The following LEMD3 variants were observed in gnomAD, a reference collection of about 807,000 sequenced individuals.
The protein encoded by LEMD3 is LEM domain containing 3, also known as inner nuclear membrane protein Man1.
In LEMD3, 33 loss-of-function variants were observed where a neutral mutation model predicts 95.2. The ratio of observed to expected loss-of-function variants is 0.35; its 90% CI spans 0.26 to 0.46. The LOEUF (loss-of-function observed/expected upper bound fraction) is 0.46, where lower values mean the gene tolerates loss of function less well. Ranked by LOEUF, LEMD3 falls within the 20% of genes least tolerant of loss-of-function variation. The probability of loss-of-function intolerance (pLI) is 1.00; values close to 1 mark genes in which losing one functional copy is unlikely to be tolerated. For synonymous variants in LEMD3, 525 were observed against 474.6 expected, an observed-to-expected ratio of 1.11 and a Z score of -1.38; for missense variants, 1,210 against 1,192.8, an observed-to-expected ratio of 1.01 and a Z score of -0.21.
intron 1 of LEMD3, among the ~76,000 whole-genome samples, 162 bp from the exon 2 acceptor site, chr12:65,210,764 A>G (rs557462366): frequency 6.6e-6 from 1 of 152,328 alleles, no homozygotes; most frequent in South Asian, 2.1e-4. Flanking sequence ...TAAGTCTGAA[A>G]AATTACTTCC....
intron 1 of LEMD3, among the ~76,000 whole-genome samples, chr12:65,182,905 C>A (rs931525876): frequency 1.4e-4 from 21 of 152,100 alleles, no homozygotes; most frequent in Admixed American, 1.3e-4. Flanking sequence ...TTGTAAGATA[C>A]CATGAGTACT....
chr12:65,212,429 C>T (rs375045947), intron 2 of LEMD3, among the ~76,000 whole-genome samples: 87 of 150,694 alleles, frequency 5.8e-4, no homozygotes, highest in Middle Eastern at 7.0e-3. Context: ...CCCAGCTACT[C>T]GGGAGGCTGA....
In LEMD3 at chr12:65,175,709, T is replaced by C. The variant is rs1395143746; in HGVS notation, c.1522+4591T>C. ...GCACACATTTCTCTAGGAAGTTTCA[T>C]TCACTCTCCTTGTCATTATCTTCCA... On this transcript the variant is annotated intron_variant, in intron 1 of 12. Coordinates refer to ENST00000308330, the MANE Select transcript of LEMD3 (RefSeq NM_014319.5). Among the ~76,000 whole-genome samples the C allele has an allele frequency of 2.6e-5, 4 of 152,230 alleles. No individual in the cohort carries two copies. In the East Asian group the frequency reaches 7.7e-4, roughly 29 times the overall value.
intron 1 of LEMD3, among the ~76,000 whole-genome samples, chr12:65,180,915 A>G (rs1315493686): frequency 6.6e-6 from 1 of 151,896 alleles, no homozygotes; most frequent in Non-Finnish European, 1.5e-5. Context: ...TTAGTAGCAA[A>G]TGGATATTTT....
chr12:65,232,174 A>G (rs1337239441), intron 4 of LEMD3, among the ~76,000 whole-genome samples: 2 of 152,168 alleles, frequency 1.3e-5, no homozygotes, highest in East Asian at 1.9e-4. Flanking sequence ...AAAATTCTCT[A>G]TGTTATTTTA....
In LEMD3 at chr12:65,247,418, G is replaced by T. The variant is rs545328879; in HGVS notation, c.*1093G>T. On this transcript the variant is annotated 3_prime_UTR_variant, in exon 13 of 13. Coordinates refer to ENST00000308330, the MANE Select transcript of LEMD3 (RefSeq NM_014319.5). ...GCAGGGCACATTGTTGCAGCAAAATGTGTATTTGACAAATTATACTTGCAA... is the reference window on the plus strand; with the variant it reads ...GCAGGGCACATTGTTGCAGCAAAATTTGTATTTGACAAATTATACTTGCAA... 1 of 152,502 alleles carries T rather than the reference G, an allele frequency of 6.6e-6. No homozygotes were observed. The highest frequency in any genetic ancestry group is 1.5e-5 in the Non-Finnish European group (1 of 67,992). 9.4% of individuals were successfully genotyped at this position (152,502 alleles called of 1,614,324 possible). A position where few individuals can be genotyped will look rare whatever the true frequency, so the allele number is the denominator to read the frequency against.
chr12:65,227,347 G>A (rs899458038), intron 4 of LEMD3, among the ~76,000 whole-genome samples: 2 of 152,082 alleles, frequency 1.3e-5, no homozygotes, highest in African/African-American at 2.4e-5. Flanking sequence ...AGGTAATACC[G>A]TAGATCTGTG....
In LEMD3 at chr12:65,186,897, A is replaced by G. The variant is rs138731470; in HGVS notation, c.1522+15779A>G. ...AAAAACAACTTAAAGTGGCAAGTCA[A>G]AATTCTGCTAAGACCATATGCTAGC... On this transcript the variant is annotated intron_variant, in intron 1 of 12. Transcript: ENST00000308330. Among the ~76,000 whole-genome samples, 473 of 152,154 alleles carry G rather than the reference A, an allele frequency of 3.1e-3. 2 individuals carry two copies. Among genetic ancestry groups the G allele is most frequent in the African/African-American group, 0.011 (440 of 41,546 alleles).
intron 4 of LEMD3, among the ~76,000 whole-genome samples, chr12:65,227,945 T>C (rs1163595635): frequency 6.6e-6 from 1 of 152,118 alleles, no homozygotes; most frequent in Non-Finnish European, 1.5e-5. Context: ...ATAGACTATA[T>C]TGACTCTATT....
chr12:65,247,921 G>A lies in LEMD3; in HGVS notation c.*1596G>A, dbSNP rs1035279891. The A allele has an allele frequency of 2.6e-5, 4 of 152,376 alleles. No homozygotes were observed. Among genetic ancestry groups the A allele is most frequent in the Admixed American group, 1.3e-4 (2 of 15,258 alleles). The allele number at this position is 152,376 out of a possible 1,614,324, so 9.4% of individuals were successfully genotyped here. A position where few individuals can be genotyped will look rare whatever the true frequency, so the allele number is the denominator to read the frequency against. The stretch of plus-strand genomic sequence containing the variant: ...CTCAGTTTATGTCTCAGATGCTAAC[G>A]TGTGAAAATATAAATATATATAATA... On this transcript the variant is annotated 3_prime_UTR_variant, in exon 13 of 13. Coordinates refer to ENST00000308330, the MANE Select transcript of LEMD3 (RefSeq NM_014319.5).
Position 65,246,664 on chromosome 12 carries a change from G to C in LEMD3, c.*339G>C. ...TAACCACACAAAAGCATGATGAAAA[G>C]GCTTCTTGTAGTCCCATAATTTCTT... On this transcript the variant is annotated 3_prime_UTR_variant, in exon 13 of 13. Transcript: ENST00000308330. 3.5e-6 allele frequency: 1 copy of C among 284,996 alleles called. No individual in the cohort carries two copies. The highest frequency in any genetic ancestry group is 8.9e-5 in the East Asian group (1 of 11,272). 17.7% of individuals were successfully genotyped at this position (284,996 alleles called of 1,614,324 possible). A position where few individuals can be genotyped will look rare whatever the true frequency, so the allele number is the denominator to read the frequency against.
intron 4 of LEMD3, among the ~76,000 whole-genome samples, chr12:65,221,739 T>C (rs1870296928): frequency 6.7e-6 from 1 of 148,944 alleles, no homozygotes; most frequent in Non-Finnish European, 1.5e-5. Flanking sequence ...AATCTCTCTT[T>C]TTTTTTTTTT....
At chr12:65,208,774 T>A (rs199522030) in intron 1 of LEMD3, among the ~76,000 whole-genome samples, 1 of 152,092 alleles carries the variant, frequency 6.6e-6, no homozygotes, top group Admixed American at 6.6e-5. Context: ...GTGGCAATTA[T>A]CATGAGCATT....
intron 2 of LEMD3, among the ~76,000 whole-genome samples, chr12:65,211,269 G>T (rs1431378248): frequency 1.3e-5 from 2 of 152,128 alleles, no homozygotes; most frequent in Admixed American, 1.3e-4. Context: ...CATATCATCA[G>T]TGGATCTTGT....
At position 65,171,034 on chromosome 12, in the gene LEMD3, G is replaced by T. The variant is rs758680061; in HGVS notation, c.1438G>T (p.Ala480Ser). 6.2e-7 allele frequency: 1 copy of T among 1,614,188 alleles called. No homozygotes were observed. Among genetic ancestry groups the T allele is most frequent in the East Asian group, 2.2e-5 (1 of 44,886 alleles). The change falls in exon 1 of 13, where the codon GCT (alanine) becomes TCT (serine). Residue 480 changes from alanine to serine, a missense_variant. Physicochemically the swap from Ala to Ser is moderately conservative, Grantham distance 99. Coordinates refer to ENST00000308330, the MANE Select transcript of LEMD3 (RefSeq NM_014319.5). ...AHYLSMFLLT[A>S]ACLFFLILGL... is the part of the protein sequence containing the mutation. ...CTACTTGTCGATGTTTCTCTTAACT[G>T]CTGCCTGCTTATTTTTCCTAATACT... is the stretch of plus-strand genomic sequence containing the variant.
At chr12:65,223,929 AAATT>A (rs1870372157) in intron 4 of LEMD3, among the ~76,000 whole-genome samples, 1 of 148,686 alleles carries the variant, frequency 6.7e-6, no homozygotes, top group South Asian at 2.1e-4. Flanking sequence ...GGGCTTATAT[AAATT>A]ATCTTATATT....
chr12:65,202,020 T>G (rs1869616097), intron 1 of LEMD3, among the ~76,000 whole-genome samples: 1 of 151,766 alleles, frequency 6.6e-6, no homozygotes, highest in Non-Finnish European at 1.5e-5. Flanking sequence ...ACTTTTTTTT[T>G]TTTTTTTTGA....
chr12:65,211,044 A>T, intron 2 of LEMD3, 81 bp downstream of exon 2: 1 of 1,052,798 alleles, frequency 9.5e-7, no homozygotes. Context: ...CAACTAAAAA[A>T]AAGTAATTTT....
intron 4 of LEMD3, among the ~76,000 whole-genome samples, chr12:65,236,177 A>G (rs1870766994): frequency 1.3e-5 from 2 of 152,244 alleles, no homozygotes; most frequent in African/African-American, 4.8e-5. Context: ...ACAATAGGAC[A>G]CTTCTTAGAA....
Sources: gnomAD v4.1 joint callset for allele counts (sites outside exome capture counted in the v4.1 genomes callset) on GRCh38, gnomAD v4.1.1 for gene constraint, MANE v1.5 for transcripts, NCBI Gene and HGNC (gene_info 2026-07-23, HGNC 2026-07-21) for gene names.